Variants in FGF13 observed in about 807,000 individuals in gnomAD.
FGF13 encodes fibroblast growth factor homologous factor 2.
FGF13 carries 2 observed loss-of-function variants against 19.5 expected under a neutral mutation model. That is an observed-to-expected ratio of 0.10 (90% CI 0.04 to 0.32). The LOEUF is 0.32. Among genes scored for constraint, FGF13 ranks in the 10% least tolerant of loss-of-function variants. The probability of loss-of-function intolerance (pLI) is 1.00; values close to 1 mark genes in which losing one functional copy is unlikely to be tolerated. For missense variants in FGF13, 113 were observed against 192.7 expected (o/e 0.59, Z 2.45); for synonymous variants, 72 against 76.9 (o/e 0.94, Z 0.33).
chrX:138,876,790 C>T (rs1186634503), intron 1 of FGF13, among the ~76,000 whole-genome samples: 1 of 112,030 alleles, frequency 8.9e-6, no homozygotes, highest in Admixed American at 9.5e-5. Flanking sequence ...TTTGAAGAAA[C>T]AAACTATGGT....
chrX:138,674,855 T>C (rs987562867), intron 3 of FGF13, among the ~76,000 whole-genome samples: 2 of 111,136 alleles, frequency 1.8e-5, no homozygotes, highest in African/African-American at 6.5e-5. Context: ...AAGAATCATC[T>C]ATATGGATAC....
At chrX:138,845,754 G>A (rs1288971871) in intron 3 of FGF13, among the ~76,000 whole-genome samples, 1 of 111,682 alleles carries the variant, frequency 9.0e-6, no homozygotes. Flanking sequence ...AGCTTACCAT[G>A]TATGCCAATT....
intron 1 of FGF13, among the ~76,000 whole-genome samples, chrX:138,736,927 G>C (rs776832427): frequency 4.5e-5 from 5 of 110,690 alleles, no homozygotes; most frequent in Non-Finnish European, 7.6e-5. Context: ...GACAAGCAGA[G>C]GGGAACACAA....
chrX:139,024,168 C>T (rs1168999326), intron 1 of FGF13, among the ~76,000 whole-genome samples: 1 of 111,329 alleles, frequency 9.0e-6, no homozygotes, highest in Non-Finnish European at 1.9e-5. Context: ...GAAATCCACA[C>T]ATAGTGCCCC....
At chrX:138,883,995 T>C (rs2091440200) in intron 1 of FGF13, among the ~76,000 whole-genome samples, 1 of 112,186 alleles carries the variant, frequency 8.9e-6, no homozygotes, top group Non-Finnish European at 1.9e-5. Context: ...ATTTCTGACT[T>C]AGCCACTTGC....
At chrX:138,742,537 C>T (rs1240624117), upstream of FGF13, among the ~76,000 whole-genome samples, 1 of 110,871 alleles carries the variant, frequency 9.0e-6, no homozygotes, top group Non-Finnish European at 1.9e-5. Context: ...AATAATACCC[C>T]GGAGGTCATG....
chrX:138,966,780 T>G (rs1030132275), intron 1 of FGF13, among the ~76,000 whole-genome samples: 3 of 111,269 alleles, frequency 2.7e-5, no homozygotes, highest in Admixed American at 1.9e-4. Context: ...GGTTTGGCTC[T>G]GTGCTCCCAC....
In FGF13 at chrX:139,089,521, A is replaced by G. The variant is rs145762104; in HGVS notation, c.-113+113895T>C. On this transcript the variant is annotated intron_variant, in intron 1 of 2. Transcript: ENST00000421460. ...GCCTCCACATGATTAACTTCATTCA[A>G]TGGTTATGGGCTGATATAAAGGATG... Among the ~76,000 whole-genome samples the G allele has an allele frequency of 2.4e-4, 27 of 111,536 alleles. No individual in the cohort carries two copies. The East Asian group carries it at 7.6e-3, about 32-fold the overall frequency.
upstream of FGF13, among the ~76,000 whole-genome samples, chrX:138,740,025 T>C (rs1201857732): frequency 1.8e-5 from 2 of 112,191 alleles, no homozygotes; most frequent in East Asian, 5.6e-4. Context: ...ACTGAAGCAC[T>C]CAATAGTGTT....
At position 138,861,110 on chromosome X, in the gene FGF13, A is replaced by G. The variant is rs367855827; in HGVS notation, c.-38-3431T>C. On this transcript the variant is annotated intron_variant, in intron 2 of 2. Coordinates refer to the FGF13 transcript ENST00000421460. ...GCAAATGTTTTTCCATTGACTAACC[A>G]TCAGGTGGGCAAGCTTGCATCTAGG... Among the ~76,000 whole-genome samples the G allele has an allele frequency of 9.1e-4, 102 of 112,447 alleles. No individual in the cohort carries two copies. The South Asian group carries it at 0.035, about 38-fold the overall frequency.
At chrX:138,984,523 GGAAGAAGAAGAAGAAGAA>G (rs1209275314) in intron 1 of FGF13, among the ~76,000 whole-genome samples, 6 of 31,576 alleles carry the variant, frequency 1.9e-4, no homozygotes, top group African/African-American at 7.4e-4. Flanking sequence ...AAGAAGAAGA[GGAAGAAGAAGAAGAAGAA>G]GAAGAAGAAG....
intron 1 of FGF13, among the ~76,000 whole-genome samples, chrX:139,067,898 T>C (rs2092362376): frequency 9.3e-6 from 1 of 108,015 alleles, no homozygotes; most frequent in African/African-American, 3.5e-5. Context: ...CTTTGTCAGA[T>C]GAGTAGGCTG....
chrX:139,154,813 G>A lies in FGF13; in HGVS notation c.-113+48603C>T, dbSNP rs952023742. ...ACTGCAAGCAGCTACCATGTCTTGG[G>A]TAGTTCTTTTAATTTGTATATTAGT... On this transcript the variant is annotated intron_variant, in intron 1 of 2. Transcript: ENST00000421460. 1.2e-4 allele frequency among the ~76,000 whole-genome samples: 13 copies of A among 111,766 alleles called. 1 individual carries two copies. The highest frequency in any genetic ancestry group is 5.6e-5 in the Non-Finnish European group (3 of 53,177).
At chrX:139,066,956 C>G (rs910101661) in intron 1 of FGF13, among the ~76,000 whole-genome samples, 1 of 111,458 alleles carries the variant, frequency 9.0e-6, no homozygotes, top group Non-Finnish European at 1.9e-5. Context: ...CTTCATCCCT[C>G]GGATGCAAGG....
chrX:138,811,375 T>G (rs1274140626), intron 3 of FGF13, among the ~76,000 whole-genome samples: 4 of 110,289 alleles, frequency 3.6e-5, no homozygotes. Context: ...TGTTCTCACT[T>G]GTAGGTGGGA....
intron 1 of FGF13, among the ~76,000 whole-genome samples, chrX:139,125,519 A>G (rs954859080): frequency 8.9e-6 from 1 of 112,277 alleles, no homozygotes; most frequent in Non-Finnish European, 1.9e-5. Context: ...GCAGTTCCAT[A>G]AAGTTGTATG....
Position 138,624,816 on chromosome X carries a change from G to C in FGF13, c.*8034C>G, listed in dbSNP as rs2089043409. ...CCACTGCACTCCAGCCTGGGTGACA[G>C]AGTGAGACACTGTTTCAAAAAATAA... is the stretch of plus-strand genomic sequence containing the variant. On this transcript the variant is annotated 3_prime_UTR_variant, in exon 5 of 5. Coordinates refer to ENST00000315930, the MANE Select transcript of FGF13 (RefSeq NM_004114.5). The C allele has an allele frequency of 8.9e-6, 1 of 111,794 alleles. No individual in the cohort carries two copies. The highest frequency in any genetic ancestry group is 1.9e-5 in the Non-Finnish European group (1 of 53,222). The allele number at this position is 111,794 out of a possible 1,213,427, so 9.2% of individuals were successfully genotyped here. A position where few individuals can be genotyped will look rare whatever the true frequency, so the allele number is the denominator to read the frequency against.
intron 1 of FGF13, among the ~76,000 whole-genome samples, chrX:138,940,054 C>T (rs975875516): frequency 4.5e-5 from 5 of 111,780 alleles, no homozygotes; most frequent in Non-Finnish European, 7.5e-5. Context: ...TAAGCATTCC[C>T]TTTTCTCTGC....
At chrX:139,195,499 T>C (rs1458891403) in intron 1 of FGF13, among the ~76,000 whole-genome samples, 1 of 112,573 alleles carries the variant, frequency 8.9e-6, no homozygotes, top group Admixed American at 9.4e-5. Context: ...TACTTCTACT[T>C]TTAAGAGCTA....
Sources: gnomAD v4.1 joint callset for allele counts (sites outside exome capture counted in the v4.1 genomes callset) on GRCh38, gnomAD v4.1.1 for gene constraint, MANE v1.5 for transcripts, NCBI Gene and HGNC (gene_info 2026-07-23, HGNC 2026-07-21) for gene names.